SOBP: variants seen among roughly 807,000 people sequenced by gnomAD.
SOBP encodes the protein sine oculis binding protein homolog.
SOBP carries 4 observed loss-of-function variants against 53.6 expected under a neutral mutation model. The observed-to-expected ratio is 0.07, with a 90% CI of 0.04 to 0.17. SOBP has a LOEUF of 0.17. Ranked by LOEUF, SOBP falls within the 10% of genes least tolerant of loss-of-function variation. The pLI is 1.00. For synonymous variants in SOBP, 584 were observed against 522.6 expected, an observed-to-expected ratio of 1.12 and a Z score of -1.60; for missense variants, 1,088 against 1,204.7, an observed-to-expected ratio of 0.90 and a Z score of 1.43.
intron 6 of SOBP, among the ~76,000 whole-genome samples, chr6:107,657,635 T>C (rs1772121947): frequency 6.6e-6 from 1 of 152,098 alleles, no homozygotes; most frequent in African/African-American, 2.4e-5. Context: ...AGCTCCAGGG[T>C]CCTCCGTGAC....
At chr6:107,504,443 ACC>A (rs539792323) in intron 2 of SOBP, among the ~76,000 whole-genome samples, 157 of 152,322 alleles carry the variant, frequency 1.0e-3, no homozygotes, top group African/African-American at 2.7e-3. Context: ...CACTGATTCT[ACC>A]AGTGGGTAAC....
At chr6:107,575,204 T>G (rs185550334) in intron 4 of SOBP, among the ~76,000 whole-genome samples, 139 of 152,204 alleles carry the variant, frequency 9.1e-4, no homozygotes, top group African/African-American at 3.1e-3. Flanking sequence ...ATGGAGGTGG[T>G]GAGTAATAGG....
At chr6:107,612,620 A>G (rs1786641079) in intron 5 of SOBP, among the ~76,000 whole-genome samples, 1 of 152,202 alleles carries the variant, frequency 6.6e-6, no homozygotes, top group Admixed American at 6.5e-5. Flanking sequence ...TATATAAAAC[A>G]TAGCATTTTC....
chr6:107,634,817 T>C lies in SOBP; in HGVS notation c.1973T>C (p.Val658Ala). The change falls in exon 6 of 7, where the codon GTG becomes GCG. Residue 658 changes from valine (V) to alanine (A), a missense_variant. This residue lies in a region of SOBP where 665 missense variants were observed against 629.7 expected (regional missense o/e 1.06). Transcript: ENST00000317357. This position sits in a 1 kb window ranked among gnomAD's most constrained non-coding sequence, Gnocchi z 4.5. ...GPQDGVIDLT[V>A]GHRARLHNVI... The stretch of plus-strand genomic sequence containing the variant: ...CAGGACGGCGTCATCGACCTGACCG[T>C]GGGCCACCGAGCCCGGCTGCACAAC... 7.1e-7 allele frequency: 1 copy of C among 1,408,432 alleles called. No homozygotes were observed. The highest frequency in any genetic ancestry group is 9.3e-7 in the Non-Finnish European group (1 of 1,078,298). 87.2% of individuals were successfully genotyped at this position (1,408,432 alleles called of 1,614,324 possible). A position where few individuals can be genotyped will look rare whatever the true frequency, so the allele number is the denominator to read the frequency against.
At chr6:107,650,124 A>G (rs1290675457) in intron 6 of SOBP, among the ~76,000 whole-genome samples, 1 of 152,244 alleles carries the variant, frequency 6.6e-6, no homozygotes, top group Non-Finnish European at 1.5e-5. Context: ...TAAAAATTAA[A>G]GAAAACAAGG....
chr6:107,508,716 T>A (rs1370676914), intron 3 of SOBP, among the ~76,000 whole-genome samples: 1 of 152,268 alleles, frequency 6.6e-6, no homozygotes, highest in African/African-American at 2.4e-5. Flanking sequence ...AAGTTTGCCT[T>A]ATTGTGCCCC....
intron 5 of SOBP, among the ~76,000 whole-genome samples, chr6:107,599,617 A>AAAAG (rs1245140031): frequency 2.0e-5 from 3 of 151,842 alleles, no homozygotes; most frequent in African/African-American, 7.3e-5. Context: ...TGAGAAAAAA[A>AAAAG]AAAAAAGGTT....
At chr6:107,568,042 A>G (rs1784967727) in intron 4 of SOBP, among the ~76,000 whole-genome samples, 1 of 152,212 alleles carries the variant, frequency 6.6e-6, no homozygotes, top group Non-Finnish European at 1.5e-5. Flanking sequence ...AGTATGTAAT[A>G]TGTCTTTCCC....
chr6:107,580,898 A>G (rs1464192339), intron 4 of SOBP, among the ~76,000 whole-genome samples: 1 of 152,058 alleles, frequency 6.6e-6, no homozygotes, highest in Non-Finnish European at 1.5e-5. Context: ...CCGTGCTGAG[A>G]CTCGGGTATG....
At chr6:107,512,613 C>T (rs1391484500) in intron 3 of SOBP, among the ~76,000 whole-genome samples, 1 of 152,210 alleles carries the variant, frequency 6.6e-6, no homozygotes, top group African/African-American at 2.4e-5. Context: ...TTGGGTCTCC[C>T]CACCTTGTCA....
chr6:107,492,185 T>A (rs973415310), intron 1 of SOBP, among the ~76,000 whole-genome samples: 1 of 152,196 alleles, frequency 6.6e-6, no homozygotes, highest in African/African-American at 2.4e-5. Context: ...TTATTTTTTT[T>A]AAGACCGGTA....
chr6:107,606,640 A>AT (rs1371086812), intron 5 of SOBP, among the ~76,000 whole-genome samples: 3 of 152,084 alleles, frequency 2.0e-5, no homozygotes, highest in Non-Finnish European at 4.4e-5. Context: ...TTTGGGCTCT[A>AT]TTGTTTAATC....
In SOBP at chr6:107,490,328, T is replaced by TGCG. The variant is rs529959813; in HGVS notation, c.-271_-269dup. The TGCG allele has an allele frequency of 0.029, 4,347 of 151,434 alleles. 215 individuals carry two copies. The highest frequency in any genetic ancestry group is 0.1 in the African/African-American group (4,103 of 39,842). 9.4% of individuals were successfully genotyped at this position (151,434 alleles called of 1,614,324 possible). On this transcript the variant is annotated 5_prime_UTR_variant, in exon 1 of 7. Transcript: ENST00000317357. The stretch of plus-strand genomic sequence containing the variant: ...CAGCGGCAGCAGCGGCGGCGTTGGC[T>TGCG]GCGGCGGCGGCGGCGGCGGCAGCAG...
chr6:107,539,818 GAAGAATGAGCGTTTA>G (rs529945102), intron 4 of SOBP, among the ~76,000 whole-genome samples: 120 of 152,310 alleles, frequency 7.9e-4, no homozygotes, highest in Non-Finnish European at 7.2e-4. Context: ...AGCTTTATCT[GAAGAATGAGCGTTTA>G]AAGAATTATC....
At chr6:107,500,622 C>T (rs567313903) in intron 1 of SOBP, among the ~76,000 whole-genome samples, 21 of 151,662 alleles carry the variant, frequency 1.4e-4, no homozygotes, top group Admixed American at 7.9e-4. Context: ...CCCGGGTTCA[C>T]GCCATTCTCC....
rs76181492 is a variant in SOBP, at chr6:107,574,829, C to T, written c.574-12251C>T. The stretch of plus-strand genomic sequence containing the variant: ...GCCTATGAGATTGGCTCTCAGCTTC[C>T]CCCATGAGGTGCCAGCTCCCTCACC... On this transcript the variant is annotated intron_variant, in intron 4 of 6. Transcript: ENST00000317357. Among the ~76,000 whole-genome samples the T allele has an allele frequency of 2.6e-4, 39 of 152,280 alleles. No individual in the cohort carries two copies. In the East Asian group the frequency reaches 7.3e-3, roughly 29 times the overall value.
At chr6:107,623,530 G>C (rs1197563258) in intron 5 of SOBP, among the ~76,000 whole-genome samples, 1 of 152,158 alleles carries the variant, frequency 6.6e-6, no homozygotes, top group African/African-American at 2.4e-5. Flanking sequence ...GGGAGAGAGA[G>C]AGAGATAGGC....
rs1329362841 is a variant in SOBP, at chr6:107,583,606, A to T, written c.574-3474A>T. Among the ~76,000 whole-genome samples the T allele has an allele frequency of 2.6e-5, 4 of 152,000 alleles. No homozygotes were observed. In the East Asian group the frequency reaches 7.7e-4, roughly 29 times the overall value. On this transcript the variant is annotated intron_variant, in intron 4 of 6. Transcript: ENST00000317357. ...GGTGGCGCGATCATAGCTCAACATAACCTCGAAGTGCTGGGCTCAAGCAAT... is the reference window on the plus strand; with the variant it reads ...GGTGGCGCGATCATAGCTCAACATATCCTCGAAGTGCTGGGCTCAAGCAAT...
intron 6 of SOBP, among the ~76,000 whole-genome samples, chr6:107,638,734 G>T (rs1401858382): frequency 3.3e-5 from 5 of 152,054 alleles, no homozygotes; most frequent in African/African-American, 1.2e-4. Flanking sequence ...GTGAGGTGCA[G>T]GTGAATGATT....
Sources: allele counts gnomAD v4.1 joint callset (sites outside exome capture counted in the v4.1 genomes callset), GRCh38; gene constraint gnomAD v4.1.1; regional missense constraint gnomAD v4.1.1; non-coding constraint Gnocchi (gnomAD v3.1); transcripts MANE v1.5; gene names NCBI Gene and HGNC (gene_info 2026-07-23, HGNC 2026-07-21).